The following FARP2 variants were observed in gnomAD, a reference collection of about 807,000 sequenced individuals.
The protein encoded by FARP2 is FERM, ARH/RhoGEF and pleckstrin domain protein 2.
Under a neutral mutation model 130.5 loss-of-function variants are expected in FARP2, and 111 were observed. The ratio of observed to expected loss-of-function variants is 0.85; its 90% CI spans 0.73 to 1.00. The LOEUF (loss-of-function observed/expected upper bound fraction) is 1.00. Ranked by LOEUF, FARP2 falls within the 50% of genes least tolerant of loss-of-function variation. The pLI is 0.00. For missense variants in FARP2, 1,385 were observed against 1,346.3 expected (o/e 1.03, Z -0.45); for synonymous variants, 504 against 516.9 (o/e 0.98, Z 0.34).
intron 7 of FARP2, among the ~76,000 whole-genome samples, chr2:241,416,780 G>A (rs188895264): frequency 1.7e-4 from 26 of 152,246 alleles, no homozygotes; most frequent in Admixed American, 1.6e-3. Flanking sequence ...GTGGTGGTGC[G>A]TGCCTGTGGT....
chr2:241,477,502 C>G (rs80189034), intron 19 of FARP2, among the ~76,000 whole-genome samples: 1,877 of 152,310 alleles, frequency 0.012, 9 homozygotes, highest in Non-Finnish European at 0.022. Flanking sequence ...CTGATGGACA[C>G]TGGGTTATTT....
At chr2:241,473,257 A>G (rs79706799) in intron 18 of FARP2, among the ~76,000 whole-genome samples, 12,034 of 144,766 alleles carry the variant, frequency 0.083, 504 homozygotes, top group Middle Eastern at 0.14. Context: ...ACCCTGCTCT[A>G]TAGGGACCCT....
At chr2:241,447,769 C>T (rs2063544871) in intron 13 of FARP2, among the ~76,000 whole-genome samples, 1 of 152,190 alleles carries the variant, frequency 6.6e-6, no homozygotes, top group Admixed American at 6.5e-5. Flanking sequence ...CTCTCTAGCC[C>T]CACACACGCC....
chr2:241,417,984 G>A lies in FARP2; in HGVS notation c.646G>A (p.Asp216Asn). The A allele has an allele frequency of 6.2e-7, 1 of 1,614,170 alleles. No homozygotes were observed. The highest frequency in any genetic ancestry group is 1.7e-5 in the Admixed American group (1 of 60,022). The change falls in exon 8 of 27, where the codon GAT (aspartate) becomes AAT (asparagine). Residue 216 changes from aspartate to asparagine, a missense_variant. Physicochemically the swap from Asp to Asn is conservative, Grantham distance 23. Coordinates refer to ENST00000264042, the MANE Select transcript of FARP2 (RefSeq NM_014808.4). The stretch of plus-strand genomic sequence containing the variant: ...CAGGGGCCAGACACCTGCTGAGTCG[G>A]ATTTCCAGGTGCTCGAAATTGCTCG... ...KHVGQTPAESDFQVLEIARKL... is the reference protein window; with the variant it reads ...KHVGQTPAESNFQVLEIARKL...
intron 13 of FARP2, chr2:241,446,640 C>T (rs544084988): frequency 9.2e-5 from 14 of 152,236 alleles, no homozygotes; most frequent in African/African-American, 2.2e-4. Flanking sequence ...CCTCCCAGCT[C>T]GTGGAATATC....
intron 18 of FARP2, among the ~76,000 whole-genome samples, chr2:241,469,663 T>A (rs1405465061): frequency 6.6e-6 from 1 of 152,216 alleles, no homozygotes; most frequent in South Asian, 2.1e-4. Context: ...TTAAAATGTT[T>A]CTCATTGTCA....
At chr2:241,424,704 G>A (rs56222556) in intron 8 of FARP2, among the ~76,000 whole-genome samples, 16,815 of 152,170 alleles carry the variant, frequency 0.11, 1,184 homozygotes, top group Non-Finnish European at 0.15. Flanking sequence ...TAGACTGCTA[G>A]CTAGACTAGT....
intron 21 of FARP2, among the ~76,000 whole-genome samples, chr2:241,487,939 G>T (rs866929158): frequency 6.6e-6 from 1 of 151,514 alleles, no homozygotes; most frequent in Non-Finnish European, 1.5e-5. Context: ...TAGTAGAGAC[G>T]GGGTTTCACC....
At chr2:241,480,531 TG>T (rs979063371) in intron 19 of FARP2, among the ~76,000 whole-genome samples, 1 of 81,172 alleles carries the variant, frequency 1.2e-5, no homozygotes, top group African/African-American at 4.0e-5. Context: ...GCTTGTGTTG[TG>T]TTTTTTTTTT....
chr2:241,431,303 C>A (rs560126997), intron 8 of FARP2, among the ~76,000 whole-genome samples: 8 of 151,010 alleles, frequency 5.3e-5, no homozygotes, highest in African/African-American at 1.9e-4. Flanking sequence ...CTCATCTCTA[C>A]AAAAAAAATT....
chr2:241,388,236 G>C (rs2061833890), intron 2 of FARP2, among the ~76,000 whole-genome samples: 1 of 152,208 alleles, frequency 6.6e-6, no homozygotes, highest in Non-Finnish European at 1.5e-5. Flanking sequence ...TAGACTTATA[G>C]ATCAATGAAA....
chr2:241,429,083 T>C (rs919956471), intron 8 of FARP2, among the ~76,000 whole-genome samples: 2 of 152,254 alleles, frequency 1.3e-5, no homozygotes, highest in Non-Finnish European at 2.9e-5. Context: ...TAAGAGTAAA[T>C]GTTGGTAACA....
At chr2:241,445,527 A>G (rs1227294247) in intron 13 of FARP2, 1 of 152,232 alleles carries the variant, frequency 6.6e-6, no homozygotes, top group African/African-American at 2.4e-5. Context: ...TCCAGGAGCA[A>G]TTCAGCCTGA....
Position 241,421,442 on chromosome 2 carries a change from G to A in FARP2, c.771+3333G>A, listed in dbSNP as rs895554843. Among the ~76,000 whole-genome samples, 5 of 152,328 alleles carry A rather than the reference G, an allele frequency of 3.3e-5. No individual in the cohort carries two copies. The South Asian group carries it at 1.0e-3, about 32-fold the overall frequency. ...TAAGACCCACTGGCTTGGAATTCTAGCCAGCCAACAGCAGCAGGCTGGAAA... is the reference window on the plus strand; with the variant it reads ...TAAGACCCACTGGCTTGGAATTCTAACCAGCCAACAGCAGCAGGCTGGAAA... On this transcript the variant is annotated intron_variant, in intron 8 of 26. Coordinates refer to ENST00000264042, the MANE Select transcript of FARP2 (RefSeq NM_014808.4).
chr2:241,494,157 C>T lies in FARP2; in HGVS notation c.*32C>T. On this transcript the variant is annotated 3_prime_UTR_variant, in exon 27 of 27. Transcript: ENST00000264042. The surrounding 1 kb of genome is among the most constrained non-coding windows in gnomAD (Gnocchi z 4.9). The stretch of plus-strand genomic sequence containing the variant: ...ACCTGCCCAGGTTTGGACACAACTA[C>T]AAAGAACAGCAGGACACAGAGGTGA... 7.5e-7 allele frequency: 1 copy of T among 1,328,696 alleles called. No homozygotes were observed. Among genetic ancestry groups the T allele is most frequent in the Non-Finnish European group, 1.0e-6 (1 of 987,168 alleles). 82.3% of individuals were successfully genotyped at this position (1,328,696 alleles called of 1,614,324 possible). A position where few individuals can be genotyped will look rare whatever the true frequency, so the allele number is the denominator to read the frequency against.
At chr2:241,452,796 C>T (rs529953511) in intron 13 of FARP2, among the ~76,000 whole-genome samples, 2 of 151,588 alleles carry the variant, frequency 1.3e-5, no homozygotes, top group South Asian at 4.2e-4. Context: ...CAAAAATTAG[C>T]TGGGCATGGT....
chr2:241,438,256 A>G (rs1304290939), intron 12 of FARP2, among the ~76,000 whole-genome samples: 2 of 152,148 alleles, frequency 1.3e-5, no homozygotes, highest in East Asian at 3.9e-4. Flanking sequence ...GCACCTCATT[A>G]TATTAAAGGT....
At chr2:241,484,746 C>T (rs2064710530) in intron 21 of FARP2, among the ~76,000 whole-genome samples, 1 of 152,160 alleles carries the variant, frequency 6.6e-6, no homozygotes, top group South Asian at 2.1e-4. Flanking sequence ...AAGAGAAATT[C>T]CTCATTTTAG....
Position 241,456,764 on chromosome 2 carries a change from C to T in FARP2, c.1429C>T (p.Pro477Ser). The T allele has an allele frequency of 2.5e-6, 4 of 1,614,148 alleles. No individual in the cohort carries two copies. The highest frequency in any genetic ancestry group is 3.4e-6 in the Non-Finnish European group (4 of 1,180,018). The change falls in exon 14 of 27, where the codon CCT becomes TCT. Residue 477 changes from proline to serine, a missense_variant. Transcript: ENST00000264042. Reference sequence around the variant, plus strand: ...ATTTCCAGGCCTTTCCACGAAGAGTCCTCAGCCTTCTCCCTCCAGCCGGAA... The same window carrying T: ...ATTTCCAGGCCTTTCCACGAAGAGTTCTCAGCCTTCTCCCTCCAGCCGGAA... Reference protein sequence around the residue: ...QPGPGLSTKSPQPSPSSRKSP... With the variant: ...QPGPGLSTKSSQPSPSSRKSP...
Sources: gnomAD v4.1 joint callset for allele counts (sites outside exome capture counted in the v4.1 genomes callset) on GRCh38, gnomAD v4.1.1 for gene constraint, Gnocchi (gnomAD v3.1) non-coding constraint, MANE v1.5 for transcripts, NCBI Gene and HGNC (gene_info 2026-07-23, HGNC 2026-07-21) for gene names.